The following TMEM67 variants were observed in gnomAD, a reference collection of about 807,000 sequenced individuals.
TMEM67 encodes meckelin.
In TMEM67, 124 loss-of-function variants were observed where a neutral mutation model predicts 136.6. That is an observed-to-expected ratio of 0.91 (90% CI 0.78 to 1.05). The LOEUF (loss-of-function observed/expected upper bound fraction) is 1.05. Ranked by LOEUF, TMEM67 falls within the 50% of genes least tolerant of loss-of-function variation. TMEM67 has a pLI of 0.00. For missense variants in TMEM67, 1,107 were observed against 1,178.4 expected (o/e 0.94, Z 0.89); for synonymous variants, 364 against 390.5 (o/e 0.93, Z 0.80).
chr8:93,829,380 C>CTG, the TMEM67 span, among the ~76,000 whole-genome samples: 2,109 of 150,210 alleles, frequency 0.014, 20 homozygotes, highest in South Asian at 0.032. Context: ...CTCTCTCTCT[C>CTG]TCTGTGTGTG....
intron 26 of TMEM67, among the ~76,000 whole-genome samples, chr8:93,812,131 A>G (rs1808726124): frequency 6.6e-6 from 1 of 151,598 alleles, no homozygotes; most frequent in Non-Finnish European, 1.5e-5. Context: ...CCTGGGCAAC[A>G]AGAGCAAAAC....
At chr8:93,822,747 A>C (rs76628613), downstream of TMEM67, among the ~76,000 whole-genome samples, 1 of 152,314 alleles carries the variant, frequency 6.6e-6, no homozygotes, top group Non-Finnish European at 1.5e-5. Context: ...AGGTTAGGGA[A>C]TTGAATGCTA....
At chr8:93,776,579 C>A (rs1447471177) in intron 7 of TMEM67, among the ~76,000 whole-genome samples, 2 of 152,092 alleles carry the variant, frequency 1.3e-5, no homozygotes, top group African/African-American at 4.8e-5. Context: ...TGAATTTTAT[C>A]GAAGGTCTGT....
chr8:93,779,372 C>G (rs544932654), intron 7 of TMEM67, among the ~76,000 whole-genome samples: 1 of 152,184 alleles, frequency 6.6e-6, no homozygotes, highest in Non-Finnish European at 1.5e-5. Flanking sequence ...TTGTCAAAGT[C>G]ATTCTCCATC....
rs1157661928 is a variant in TMEM67 at position 93,808,854 on chromosome 8, C to T, written c.2454C>T (p.Ser818=). ...TAACTTTTCAGGAAAATTTGTGTAG[C>T]CAGAGAGGTTTGGTACCCAACACAG... is the stretch of plus-strand genomic sequence containing the variant. ...NLKREAENLC[S]QRGLVPNTDG... Residue 818 remains serine (S), a synonymous_variant, in exon 24 of 28, where the codon AGC becomes AGT. Transcript: ENST00000453321. 6.2e-7 allele frequency: 1 copy of T among 1,607,810 alleles called. No individual in the cohort carries two copies. Among genetic ancestry groups the T allele is most frequent in the Non-Finnish European group, 8.5e-7 (1 of 1,174,906 alleles).
At chr8:93,758,434 A>C (rs1812677896) in intron 2 of TMEM67, 49 bp from the exon 3 acceptor site, 2 of 1,400,890 alleles carry the variant, frequency 1.4e-6, no homozygotes, top group East Asian at 4.6e-5. Flanking sequence ...TGATTAGAAG[A>C]AGAAAGTTAA....
In TMEM67 at chr8:93,797,401, G is replaced by A. The variant is rs766868232; in HGVS notation, c.2031G>A (p.Trp677Ter). 3 of 1,613,834 alleles carry A rather than the reference G, an allele frequency of 1.9e-6. No homozygotes were observed. The highest frequency in any genetic ancestry group is 2.7e-5 in the African/African-American group (2 of 74,924). The change falls in exon 20 of 28, where the codon TGG becomes TGA. Residue 677 changes from tryptophan (W) to a stop codon, truncating the protein, a stop_gained. Transcript: ENST00000453321. LOFTEE classifies it high-confidence loss of function. ...IWRTYFVANE[W>*]NEIQTVRKIN... is the part of the protein sequence containing the mutation. ...GAACATATTTTGTAGCAAATGAATG[G>A]AATGAAATTCAGACTGTGAGAAAAA...
chr8:93,781,851 A>T (rs577833065), intron 10 of TMEM67, 107 bp downstream of exon 10: 5 of 563,296 alleles, frequency 8.9e-6, no homozygotes, highest in Non-Finnish European at 1.5e-5. Flanking sequence ...TACATACTAC[A>T]GTTGATTTTT....
chr8:93,793,915 G>A (rs1362628406), intron 16 of TMEM67, among the ~76,000 whole-genome samples: 2 of 151,978 alleles, frequency 1.3e-5, no homozygotes, highest in Non-Finnish European at 2.9e-5. Flanking sequence ...TTTTGAGACG[G>A]AGTCTCACTC....
chr8:93,808,832 C>G lies in TMEM67; in HGVS notation c.2440-8C>G. 3 of 1,576,678 alleles carry G rather than the reference C, an allele frequency of 1.9e-6. No individual in the cohort carries two copies. The highest frequency in any genetic ancestry group is 2.6e-6 in the Non-Finnish European group (3 of 1,146,720). ...TTTGATCTTAACTTAAATTCTTTAA[C>G]TTTTCAGGAAAATTTGTGTAGCCAG... is the stretch of plus-strand genomic sequence containing the variant. On this transcript the variant is annotated splice_region_variant and splice_polypyrimidine_tract_variant and intron_variant, in intron 23 of 27. Transcript: ENST00000453321.
At position 93,816,731 on chromosome 8, in the gene TMEM67, T is replaced by C. The variant is rs752060945; in HGVS notation, c.*279T>C. On this transcript the variant is annotated 3_prime_UTR_variant, in exon 28 of 28. Transcript: ENST00000453321. ...CTAAATGTTGCTTTCAGCATAATAC[T>C]TTTTAATGCTAATTAAAACAGTCCC... 1.4e-4 allele frequency: 31 copies of C among 217,190 alleles called. No individual in the cohort carries two copies. The highest frequency in any genetic ancestry group is 2.2e-4 in the Non-Finnish European group (24 of 109,624). The allele number at this position is 217,190 out of a possible 1,614,324, so 13.5% of individuals were successfully genotyped here.
intron 16 of TMEM67, 51 bp from the exon 17 acceptor site, chr8:93,795,345 TGTTACTAAAAGTG>T: frequency 8.1e-7 from 1 of 1,235,830 alleles, no homozygotes; most frequent in Non-Finnish European, 1.2e-6. Flanking sequence ...AAAGTGGTAG[TGTTACTAAAAGTG>T]GTATATACAT....
rs371164267 is a variant in TMEM67, at chr8:93,806,989, C to G, written c.2440-1851C>G. ...GAAAGTTATGCAAATCAAGAAAACA[C>G]TAAATTAAAATCTCAATGGAAAAAT... On this transcript the variant is annotated intron_variant, in intron 23 of 27. Transcript: ENST00000453321. Among the ~76,000 whole-genome samples, 4 of 152,072 alleles carry G rather than the reference C, an allele frequency of 2.6e-5. No individual in the cohort carries two copies. In the East Asian group the frequency reaches 7.7e-4, roughly 29 times the overall value.
chr8:93,796,903 A>T (rs1434850982), intron 18 of TMEM67, among the ~76,000 whole-genome samples: 1 of 152,188 alleles, frequency 6.6e-6, no homozygotes, highest in Non-Finnish European at 1.5e-5. Context: ...AGAAAGAAAG[A>T]AAAAGGGAAG....
chr8:93,769,744 ACTT>A (rs2130609567), intron 6 of TMEM67: 1 of 163,314 alleles, frequency 6.1e-6, no homozygotes, highest in East Asian at 1.9e-4. Context: ...AAGTAATTAA[ACTT>A]AGACGAGATT....
rs150209047 is a variant in TMEM67 at position 93,797,311 on chromosome 8, C to A, written c.1961-20C>A. ...GCAAAGGAGGTAAAACTCTTTTACT[C>A]ATTTTATTTTCCTGACCAGGTGAGG... On this transcript the variant is annotated intron_variant, in intron 19 of 27. Coordinates refer to ENST00000453321, the MANE Select transcript of TMEM67 (RefSeq NM_153704.6). 15 of 1,614,024 alleles carry A rather than the reference C, an allele frequency of 9.3e-6. No homozygotes were observed. Among genetic ancestry groups the A allele is most frequent in the Middle Eastern group, 1.7e-4 (1 of 6,060 alleles).
At chr8:93,789,933 C>T (rs1814300317) in intron 14 of TMEM67, among the ~76,000 whole-genome samples, 1 of 151,746 alleles carries the variant, frequency 6.6e-6, no homozygotes, top group African/African-American at 2.4e-5. Context: ...AAAAAATTAT[C>T]TGGGCATGGT....
At chr8:93,758,057 A>C (rs1812661016) in intron 2 of TMEM67, among the ~76,000 whole-genome samples, 2 of 152,232 alleles carry the variant, frequency 1.3e-5, no homozygotes, top group South Asian at 4.1e-4. Flanking sequence ...TGCCTGGACT[A>C]AATTTTTTAG....
chr8:93,764,768 C>T (rs1367052741), intron 4 of TMEM67, among the ~76,000 whole-genome samples: 1 of 152,084 alleles, frequency 6.6e-6, no homozygotes, highest in Non-Finnish European at 1.5e-5. Context: ...CAATATTTCC[C>T]CAAGCCTAGT....
Sources: gnomAD v4.1 joint callset for allele counts (sites outside exome capture counted in the v4.1 genomes callset) on GRCh38, gnomAD v4.1.1 for gene constraint, MANE v1.5 for transcripts, NCBI Gene and HGNC (gene_info 2026-07-23, HGNC 2026-07-21) for gene names.